NREP: variants seen among roughly 807,000 people sequenced by gnomAD.
NREP encodes neuronal regeneration related protein.
Under a neutral mutation model 8.6 loss-of-function variants are expected in NREP, and 5 were observed. The observed-to-expected ratio is 0.58, with a 90% CI of 0.30 to 1.22. NREP has a LOEUF of 1.22. Among genes scored for constraint, NREP ranks in the 50% most tolerant of loss-of-function variants. The probability of loss-of-function intolerance (pLI) is 0.07; values close to 1 mark genes in which losing one functional copy is unlikely to be tolerated. For synonymous variants in NREP, 27 were observed against 28.0 expected, an observed-to-expected ratio of 0.96 and a Z score of 0.11; for missense variants, 86 against 82.5, an observed-to-expected ratio of 1.04 and a Z score of -0.17.
At chr5:111,825,212 G>C (rs144094569) in intron 2 of NREP, among the ~76,000 whole-genome samples, 2 of 151,772 alleles carry the variant, frequency 1.3e-5, no homozygotes, top group African/African-American at 4.8e-5. Context: ...AATAAATATA[G>C]AAAAATAAAT....
At chr5:111,785,305 G>C (rs966370524) in intron 2 of NREP, among the ~76,000 whole-genome samples, 1 of 151,880 alleles carries the variant, frequency 6.6e-6, no homozygotes. Flanking sequence ...TTGAGATGGA[G>C]TCTCCTTCTG....
Position 111,976,799 on chromosome 5 carries a change from G to C in NREP, c.-60C>G, listed in dbSNP as rs569847560. The C allele has an allele frequency of 1.5e-4, 223 of 1,473,026 alleles. No individual in the cohort carries two copies. In the African/African-American group the frequency reaches 2.8e-3, roughly 18 times the overall value. The allele number at this position is 1,473,026 out of a possible 1,614,324, so 91.2% of individuals were successfully genotyped here. A position where few individuals can be genotyped will look rare whatever the true frequency, so the allele number is the denominator to read the frequency against. On this transcript the variant is annotated 5_prime_UTR_variant, in exon 1 of 4. Coordinates refer to the NREP transcript ENST00000395634. ...TCTTTAAAGGACAAAGAAGCTTCTTGCCGGGAGTTGGCCAGACAGCTCAGG... is the reference window on the plus strand; with the variant it reads ...TCTTTAAAGGACAAAGAAGCTTCTTCCCGGGAGTTGGCCAGACAGCTCAGG...
intron 2 of NREP, among the ~76,000 whole-genome samples, chr5:111,884,504 A>G (rs201533290): frequency 0.097 from 14,711 of 151,876 alleles, 1,180 homozygotes; most frequent in East Asian, 0.25. Context: ...TACCAAAGCC[A>G]GGCAGAGACA....
chr5:111,856,399 C>T (rs1464132262), intron 2 of NREP, among the ~76,000 whole-genome samples: 1 of 152,070 alleles, frequency 6.6e-6, no homozygotes, highest in Non-Finnish European at 1.5e-5. Flanking sequence ...AATAAGCGAC[C>T]TAAACAAAAA....
At chr5:111,846,960 A>G (rs1388893439) in intron 2 of NREP, among the ~76,000 whole-genome samples, 2 of 152,182 alleles carry the variant, frequency 1.3e-5, no homozygotes, top group Admixed American at 6.5e-5. Context: ...TGCATCTACT[A>G]AATGTCATAA....
rs1298457545 is a variant in NREP, at chr5:111,933,475, TA to T, written c.135+41798del. ...TACTATAACAATTGCACCTTGGCCC[TA>T]GTGGCAGGTAAATCTGTTTGGACTC... is the stretch of plus-strand genomic sequence containing the variant. On this transcript the variant is annotated intron_variant, in intron 2 of 3. Coordinates refer to the NREP transcript ENST00000395634. Among the ~76,000 whole-genome samples, 4 of 152,232 alleles carry T rather than the reference TA, an allele frequency of 2.6e-5. No homozygotes were observed. The East Asian group carries it at 7.8e-4, about 30-fold the overall frequency.
At position 111,908,568 on chromosome 5, in the gene NREP, C is replaced by A. The variant is rs935182976; in HGVS notation, c.135+66706G>T. Among the ~76,000 whole-genome samples the A allele has an allele frequency of 5.3e-5, 8 of 152,102 alleles. No homozygotes were observed. The East Asian group carries it at 1.4e-3, about 26-fold the overall frequency. On this transcript the variant is annotated intron_variant, in intron 2 of 3. Transcript: ENST00000395634. ...TTCCTGCATTAATTTGCTGAGATGG[C>A]CCCTAGCTACATCCATGTTGCTGCA...
intron 2 of NREP, among the ~76,000 whole-genome samples, chr5:111,867,011 G>C (rs990587675): frequency 6.6e-6 from 1 of 151,968 alleles, no homozygotes; most frequent in African/African-American, 2.4e-5. Flanking sequence ...GGGGGGAAGG[G>C]GGAGGGATAG....
upstream of NREP, chr5:111,757,400 G>A (rs887483583): frequency 4.1e-6 from 4 of 973,762 alleles, no homozygotes; most frequent in South Asian, 1.4e-4. Flanking sequence ...CTCCAAGAGT[G>A]TGTGTGTCTC....
At position 111,755,767 on chromosome 5, in the gene NREP, T is replaced by TA. The variant is rs766254733; in HGVS notation, c.3+2dup. On this transcript the variant is annotated splice_region_variant and intron_variant, in intron 2 of 3. Coordinates refer to ENST00000257435, the MANE Select transcript of NREP (RefSeq NM_004772.4). ...AGAATCTCCTCTGATGACCAAGTCT[T>TA]ACCATTTTGAGAATCTTAGTCTTGG... 1.1e-5 allele frequency: 17 copies of TA among 1,613,768 alleles called. No individual in the cohort carries two copies. Among genetic ancestry groups the TA allele is most frequent in the Admixed American group, 1.7e-5 (1 of 59,996 alleles).
chr5:111,926,402 C>T (rs1027202520), intron 2 of NREP, among the ~76,000 whole-genome samples: 6 of 152,082 alleles, frequency 3.9e-5, no homozygotes, highest in Non-Finnish European at 5.9e-5. Flanking sequence ...GCTAAAAGAG[C>T]TGGGTCGATT....
At chr5:111,771,553 A>G (rs4354093) in intron 2 of NREP, among the ~76,000 whole-genome samples, 113,143 of 151,876 alleles carry the variant, frequency 0.74, 42,960 homozygotes, top group African/African-American at 0.91. Flanking sequence ...GCCTGAGGTC[A>G]GAAGTTCGAG....
chr5:111,964,855 CAAAAAAAAAAAAAAAAAAAAA>C (rs58877839), intron 2 of NREP, among the ~76,000 whole-genome samples: 430 of 44,890 alleles, frequency 9.6e-3, no homozygotes, highest in Middle Eastern at 0.021. Context: ...CTTTCAGCAG[CAAAAAAAAAAAAAAAAAAAAA>C]AAAAAAAAAA....
chr5:111,809,317 T>A (rs1251039699), intron 2 of NREP, among the ~76,000 whole-genome samples: 1 of 152,220 alleles, frequency 6.6e-6, no homozygotes, highest in Non-Finnish European at 1.5e-5. Context: ...CCATCCATAG[T>A]TCCCTTCTCT....
intron 2 of NREP, among the ~76,000 whole-genome samples, chr5:111,775,083 G>A (rs767870243): frequency 5.3e-5 from 8 of 152,220 alleles, no homozygotes; most frequent in East Asian, 1.9e-4. Flanking sequence ...AAGAGATGGC[G>A]TTTTGCTATG....
intron 2 of NREP, among the ~76,000 whole-genome samples, chr5:111,770,641 G>A (rs920049390): frequency 7.3e-6 from 1 of 136,616 alleles, no homozygotes; most frequent in African/African-American, 2.8e-5. Flanking sequence ...AACAATCACG[G>A]CTCACTACAG....
chr5:111,828,629 A>T (rs966962912), intron 2 of NREP, among the ~76,000 whole-genome samples: 3 of 152,144 alleles, frequency 2.0e-5, no homozygotes, highest in African/African-American at 7.2e-5. Context: ...AAATAAAAAA[A>T]ATGACTATGT....
rs755368886 is a variant in NREP at position 111,755,816 on chromosome 5, T to A, written c.-44A>T. 6.2e-7 allele frequency: 1 copy of A among 1,613,242 alleles called. No individual in the cohort carries two copies. Among genetic ancestry groups the A allele is most frequent in the East Asian group, 2.2e-5 (1 of 44,884 alleles). ...GGGCTTCTATTCTCCCTCTCTTCAG[T>A]CCAGGGAGACCAACCTGCAAAATAT... On this transcript the variant is annotated 5_prime_UTR_variant, in exon 2 of 4. Coordinates refer to ENST00000257435, the MANE Select transcript of NREP (RefSeq NM_004772.4).
intron 2 of NREP, among the ~76,000 whole-genome samples, chr5:111,801,133 A>C (rs1751995758): frequency 6.6e-6 from 1 of 152,278 alleles, no homozygotes; most frequent in Non-Finnish European, 1.5e-5. Flanking sequence ...TATCAAAGAA[A>C]GTATTTAGTT....
Sources: gnomAD v4.1 joint callset for allele counts (sites outside exome capture counted in the v4.1 genomes callset) on GRCh38, gnomAD v4.1.1 for gene constraint, MANE v1.5 for transcripts, NCBI Gene and HGNC (gene_info 2026-07-23, HGNC 2026-07-21) for gene names.